Variants in TRPM3 observed in about 807,000 individuals in gnomAD.
TRPM3 encodes transient receptor potential cation channel subfamily M member 3, also known as long transient receptor potential channel 3.
Under a neutral mutation model 181.2 loss-of-function variants are expected in TRPM3, and 77 were observed. The ratio of observed to expected loss-of-function variants is 0.42; its 90% CI spans 0.35 to 0.51. TRPM3 has a LOEUF of 0.51. Ranked by LOEUF, TRPM3 falls within the 20% of genes least tolerant of loss-of-function variation. TRPM3 has a pLI of 0.01. For synonymous variants in TRPM3, 745 were observed against 796.4 expected, an observed-to-expected ratio of 0.94 and a Z score of 1.09; for missense variants, 1,759 against 2,196.7, an observed-to-expected ratio of 0.80 and a Z score of 3.98.
chr9:70,781,326 TAAAAAAAAAAAAAA>T (rs35173071), intron 7 of TRPM3, among the ~76,000 whole-genome samples: 1 of 106,156 alleles, frequency 9.4e-6, no homozygotes, highest in Non-Finnish European at 1.9e-5. Flanking sequence ...TTCCATTTCA[TAAAAAAAAAAAAAA>T]AAAAAAAAAG....
chr9:71,433,908 C>A (rs1268756955), intron 1 of TRPM3, among the ~76,000 whole-genome samples: 1 of 152,314 alleles, frequency 6.6e-6, no homozygotes, highest in East Asian at 1.9e-4. Flanking sequence ...GTAATCCCAG[C>A]ACTTTGGAAG....
rs1020579189 is a variant in TRPM3 at position 71,329,779 on chromosome 9, G to T, written c.183+116874C>A. 5.3e-5 allele frequency among the ~76,000 whole-genome samples: 8 copies of T among 152,070 alleles called. No individual in the cohort carries two copies. In the South Asian group the frequency reaches 1.0e-3, roughly 20 times the overall value. On this transcript the variant is annotated intron_variant, in intron 1 of 24. Coordinates refer to the TRPM3 transcript ENST00000357533. ...ATATGCCTGGCCCTAGGATTTGGGGGTATTGTCTAACAATGTAAAAACATG... is the reference window on the plus strand; with the variant it reads ...ATATGCCTGGCCCTAGGATTTGGGGTTATTGTCTAACAATGTAAAAACATG...
At position 71,218,834 on chromosome 9, in the gene TRPM3, A is replaced by C. The variant is rs979051888; in HGVS notation, c.183+227819T>G. On this transcript the variant is annotated intron_variant, in intron 1 of 24. Transcript: ENST00000357533. ...GGCCTTTGTGTTTACAGATCAGTAC[A>C]TATGTCCACAATGGTTTACCCATCT... Among the ~76,000 whole-genome samples, 4 of 152,238 alleles carry C rather than the reference A, an allele frequency of 2.6e-5. No individual in the cohort carries two copies. The South Asian group carries it at 8.3e-4, about 31-fold the overall frequency.
rs1588984553 is a variant in TRPM3 at position 70,831,983 on chromosome 9, A to ATATATTTATATATATATATATT, written c.802-3966_802-3965insAATATATATATATATAAATATA. On this transcript the variant is annotated intron_variant, in intron 5 of 25. Coordinates refer to ENST00000677713, the MANE Select transcript of TRPM3 (RefSeq NM_001366145.2). ...CATAAATATATATATATATATATATATATATATATATATACCTACTATGTA... is the reference window on the plus strand; with the variant it reads ...CATAAATATATATATATATATATATATATATTTATATATATATATATTTATATATATATATACCTACTATGTA... 5.8e-5 allele frequency among the ~76,000 whole-genome samples: 6 copies of ATATATTTATATATATATATATT among 103,422 alleles called. 1 individual carries two copies. Among genetic ancestry groups the ATATATTTATATATATATATATT allele is most frequent in the Non-Finnish European group, 1.2e-4 (6 of 51,952 alleles). The allele number at this position is 103,422 out of a possible 152,430, so 67.8% of individuals were successfully genotyped here.
At chr9:70,800,159 TAGAA>T (rs2088513501) in intron 6 of TRPM3, among the ~76,000 whole-genome samples, 1 of 152,310 alleles carries the variant, frequency 6.6e-6, no homozygotes, top group East Asian at 1.9e-4. Flanking sequence ...ATACATGTCT[TAGAA>T]AGAAAAAACA....
chr9:70,549,414 C>G, intron 25 of TRPM3, 128 bp downstream of exon 25: 1 of 1,250,444 alleles, frequency 8.0e-7, no homozygotes, highest in Non-Finnish European at 1.1e-6. Context: ...CTCATAAGCT[C>G]CATGATTTCT....
chr9:70,584,185 C>CCT (rs2056625369), intron 22 of TRPM3, among the ~76,000 whole-genome samples: 1 of 152,024 alleles, frequency 6.6e-6, no homozygotes, highest in Admixed American at 6.6e-5. Context: ...AGCCACTGTG[C>CCT]CTGGCCTTCT....
At chr9:71,077,211 C>T (rs980713564) in intron 1 of TRPM3, among the ~76,000 whole-genome samples, 5 of 152,100 alleles carry the variant, frequency 3.3e-5, no homozygotes, top group African/African-American at 9.7e-5. Context: ...GTATTAGTGC[C>T]CAGGAATCCA....
chr9:71,291,148 C>T (rs914029777), intron 1 of TRPM3, among the ~76,000 whole-genome samples: 1 of 152,082 alleles, frequency 6.6e-6, no homozygotes, highest in Admixed American at 6.6e-5. Flanking sequence ...GCAGACCAAA[C>T]CAAAATGGAG....
At position 70,535,522 on chromosome 9, in the gene TRPM3, G is replaced by T; in HGVS notation, c.*431C>A. On this transcript the variant is annotated 3_prime_UTR_variant, in exon 26 of 26. Transcript: ENST00000677713. ...ATGGAAGTTTAGAATATCTCATTGT[G>T]TACGCTGGCTATTTTATTTTATTTT... 9 of 1,548,354 alleles carry T rather than the reference G, an allele frequency of 5.8e-6. No individual in the cohort carries two copies. The highest frequency in any genetic ancestry group is 7.8e-6 in the Non-Finnish European group (9 of 1,146,562).
intron 6 of TRPM3, among the ~76,000 whole-genome samples, chr9:70,799,748 G>A (rs2088347839): frequency 6.6e-6 from 1 of 152,186 alleles, no homozygotes; most frequent in Admixed American, 6.5e-5. Flanking sequence ...AGTCATCTTG[G>A]TAAAAAATGT....
At chr9:70,938,097 T>C (rs187021003) in intron 1 of TRPM3, among the ~76,000 whole-genome samples, 164 of 152,312 alleles carry the variant, frequency 1.1e-3, no homozygotes, top group African/African-American at 3.8e-3. Flanking sequence ...CATGGGTCTG[T>C]ATCACTATTA....
chr9:70,980,067 G>GCGCACACA (rs142852346), intron 1 of TRPM3, among the ~76,000 whole-genome samples: 15 of 137,886 alleles, frequency 1.1e-4, no homozygotes, highest in Admixed American at 2.9e-4. Context: ...GCATGTGCGT[G>GCGCACACA]CACACACACA....
chr9:70,932,680 G>A (rs1222059276), intron 1 of TRPM3, among the ~76,000 whole-genome samples: 1 of 152,156 alleles, frequency 6.6e-6, no homozygotes, highest in Non-Finnish European at 1.5e-5. Flanking sequence ...ACTGTAGCAG[G>A]TGGAAGCAAG....
chr9:71,189,329 G>T (rs755103865), intron 1 of TRPM3, among the ~76,000 whole-genome samples: 2 of 151,756 alleles, frequency 1.3e-5, no homozygotes, highest in Non-Finnish European at 2.9e-5. Flanking sequence ...ACTGAGTGGT[G>T]GGCTTGTCCT....
intron 3 of TRPM3, among the ~76,000 whole-genome samples, chr9:70,858,227 G>T (rs1322188186): frequency 6.6e-6 from 1 of 152,084 alleles, no homozygotes; most frequent in Non-Finnish European, 1.5e-5. Flanking sequence ...AAGTATTCTT[G>T]TTAGAGGCAG....
chr9:71,433,345 T>C (rs2093986194), intron 1 of TRPM3, among the ~76,000 whole-genome samples: 1 of 152,150 alleles, frequency 6.6e-6, no homozygotes. Flanking sequence ...TCTCACAAGA[T>C]CTGATGGTCT....
chr9:70,551,353 C>A (rs2046402667), intron 24 of TRPM3, among the ~76,000 whole-genome samples: 1 of 152,182 alleles, frequency 6.6e-6, no homozygotes, highest in African/African-American at 2.4e-5. Context: ...AATCTTTCTT[C>A]TCTGAGAAAG....
chr9:71,421,924 C>G (rs2093781862), intron 1 of TRPM3, among the ~76,000 whole-genome samples: 1 of 151,936 alleles, frequency 6.6e-6, no homozygotes, highest in Non-Finnish European at 1.5e-5. Context: ...GTTTATCTTC[C>G]CACAATTTGC....
Sources: gnomAD v4.1 joint callset for allele counts (sites outside exome capture counted in the v4.1 genomes callset) on GRCh38, gnomAD v4.1.1 for gene constraint, MANE v1.5 for transcripts, NCBI Gene and HGNC (gene_info 2026-07-23, HGNC 2026-07-21) for gene names.